The following DPYD variants were observed in gnomAD, a reference collection of about 807,000 sequenced individuals.
DPYD encodes the protein dihydropyrimidine dehydrogenase [NADP(+)].
Under a neutral mutation model 116.2 loss-of-function variants are expected in DPYD, and 109 were observed. The ratio of observed to expected loss-of-function variants is 0.94; its 90% CI spans 0.80 to 1.10. The LOEUF (loss-of-function observed/expected upper bound fraction) is 1.10, where lower values mean the gene tolerates loss of function less well. Among genes scored for constraint, DPYD ranks in the 50% least tolerant of loss-of-function variants. The probability of loss-of-function intolerance (pLI) is 0.00; values close to 1 mark genes in which losing one functional copy is unlikely to be tolerated. For missense variants in DPYD, 1,302 were observed against 1,254.5 expected (o/e 1.04, Z -0.57); for synonymous variants, 440 against 432.0 (o/e 1.02, Z -0.23).
At chr1:97,356,824 A>T (rs541597453) in intron 16 of DPYD, among the ~76,000 whole-genome samples, 68 of 152,298 alleles carry the variant, frequency 4.5e-4, no homozygotes, top group African/African-American at 1.4e-3. Flanking sequence ...ACATCAATTG[A>T]CTATATATGA....
intron 2 of DPYD, chr1:97,856,507 C>A (rs1317900779): frequency 6.6e-6 from 1 of 152,078 alleles, no homozygotes; most frequent in South Asian, 2.1e-4. Context: ...GTGAGTGAAA[C>A]CTTAATCATG....
intron 3 of DPYD, among the ~76,000 whole-genome samples, chr1:97,825,211 T>C (rs1482323330): frequency 6.6e-6 from 1 of 152,012 alleles, no homozygotes; most frequent in Non-Finnish European, 1.5e-5. Flanking sequence ...CTAAAGTGAT[T>C]TGTAAACTCG....
At chr1:97,308,524 A>G (rs1667297234) in intron 16 of DPYD, 2 of 151,868 alleles carry the variant, frequency 1.3e-5, no homozygotes, top group Non-Finnish European at 2.9e-5. Flanking sequence ...GTTTTGTTTG[A>G]CAGGTATAAT....
chr1:97,612,892 A>T (rs1656035454), intron 8 of DPYD, among the ~76,000 whole-genome samples: 1 of 152,042 alleles, frequency 6.6e-6, no homozygotes, highest in Non-Finnish European at 1.5e-5. Context: ...AATCAAGGCC[A>T]GGACAACACT....
intron 1 of DPYD, among the ~76,000 whole-genome samples, chr1:97,884,640 T>C (rs952286687): frequency 3.9e-5 from 6 of 152,070 alleles, no homozygotes; most frequent in African/African-American, 1.2e-4. Context: ...TCCATGAAGT[T>C]ACCCCTAACT....
intron 11 of DPYD, among the ~76,000 whole-genome samples, chr1:97,567,884 T>G (rs967025427): frequency 6.8e-6 from 1 of 146,748 alleles, no homozygotes; most frequent in Non-Finnish European, 1.5e-5. Context: ...CTTTTTTTTT[T>G]ATTATACTTT....
Position 97,468,015 on chromosome 1 carries a change from T to G in DPYD, c.1741-17792A>C, listed in dbSNP as rs144098254. On this transcript the variant is annotated intron_variant, in intron 13 of 22. Transcript: ENST00000370192. ...CAAACTCCTATGGTAAAGAGTCAGA[T>G]GATAAATATTTTAGAGTTTACAGGC... Among the ~76,000 whole-genome samples, 16 of 152,274 alleles carry G rather than the reference T, an allele frequency of 1.1e-4. 4 individuals carry two copies. The highest frequency in any genetic ancestry group is 3.9e-4 in the African/African-American group (16 of 41,552).
rs375682343 is a variant in DPYD, at chr1:97,584,944, TATA to T, written c.1128+8271_1128+8273del. On this transcript the variant is annotated intron_variant, in intron 10 of 22. Transcript: ENST00000370192. ...TGCACATGTACCCTAAAACTTAAAG[TATA>T]ATAATAATAATAATAATAATAAAGA... is the stretch of plus-strand genomic sequence containing the variant. Among the ~76,000 whole-genome samples the T allele has an allele frequency of 5.3e-3, 779 of 146,044 alleles. 4 individuals are homozygous for T. The highest frequency in any genetic ancestry group is 0.017 in the African/African-American group (680 of 40,180).
chr1:97,881,155 A>G (rs1307371300), intron 2 of DPYD, among the ~76,000 whole-genome samples: 2 of 152,020 alleles, frequency 1.3e-5, no homozygotes, highest in South Asian at 2.1e-4. Flanking sequence ...AACCCCCACT[A>G]TCTCAAAATG....
intron 3 of DPYD, among the ~76,000 whole-genome samples, chr1:97,777,247 T>A (rs868603371): frequency 5.3e-5 from 8 of 152,196 alleles, no homozygotes; most frequent in Non-Finnish European, 7.3e-5. Context: ...CTTTTAAATG[T>A]TATGTATGTA....
At chr1:97,427,296 T>A (rs1239860490) in intron 14 of DPYD, among the ~76,000 whole-genome samples, 1 of 152,028 alleles carries the variant, frequency 6.6e-6, no homozygotes, top group Non-Finnish European at 1.5e-5. Context: ...AAAATGACCT[T>A]CACTTTTTTT....
chr1:97,560,035 A>G (rs917612948), intron 11 of DPYD, among the ~76,000 whole-genome samples: 1 of 152,178 alleles, frequency 6.6e-6, no homozygotes, highest in Non-Finnish European at 1.5e-5. Flanking sequence ...GAAATTAACT[A>G]CATATGTAGT....
intron 14 of DPYD, among the ~76,000 whole-genome samples, chr1:97,390,653 T>G (rs1672640568): frequency 6.6e-6 from 1 of 151,980 alleles, no homozygotes; most frequent in South Asian, 2.1e-4. Flanking sequence ...AAATTCATCA[T>G]TTTTTGGTTT....
intron 3 of DPYD, among the ~76,000 whole-genome samples, chr1:97,765,331 T>C (rs17378671): frequency 0.16 from 23,910 of 152,180 alleles, 2,198 homozygotes; most frequent in Non-Finnish European, 0.21. Flanking sequence ...GTGTTTAATA[T>C]ATTTCTTTGG....
intron 19 of DPYD, among the ~76,000 whole-genome samples, chr1:97,195,636 A>ATGTGTATG (rs1376269434): frequency 9.9e-4 from 2 of 2,014 alleles, no homozygotes; most frequent in African/African-American, 2.1e-3. Flanking sequence ...ATGTATGTGT[A>ATGTGTATG]TATATATATA....
At chr1:97,743,552 C>T (rs1557926550) in intron 3 of DPYD, among the ~76,000 whole-genome samples, 1 of 152,024 alleles carries the variant, frequency 6.6e-6, no homozygotes, top group African/African-American at 2.4e-5. Flanking sequence ...ATCCTTTGAC[C>T]ATGCCATAAT....
chr1:97,197,775 A>G (rs1325322313), intron 19 of DPYD, among the ~76,000 whole-genome samples: 1 of 152,130 alleles, frequency 6.6e-6, no homozygotes, highest in Non-Finnish European at 1.5e-5. Context: ...TGTTTCACAT[A>G]ATTGGGAGCT....
Position 97,549,647 on chromosome 1 carries a change from A to G in DPYD, c.1437T>C (p.Gly479=), listed in dbSNP as rs1651165991. The change falls in exon 12 of 23, where the codon GGT becomes GGC. Residue 479 remains glycine, a synonymous_variant. Coordinates refer to ENST00000370192, the MANE Select transcript of DPYD (RefSeq NM_000110.4). Reference sequence around the variant, plus strand: ...TGTTAGCCAAACCAACGACATCACCACCTGCAAATACCCATGCTTCACTAG... The same window carrying G: ...TGTTAGCCAAACCAACGACATCACCGCCTGCAAATACCCATGCTTCACTAG... The part of the protein sequence containing the change: ...MQTSEAWVFA[G]GDVVGLANTT... 1 of 1,613,684 alleles carries G rather than the reference A, an allele frequency of 6.2e-7. No individual in the cohort carries two copies. Among genetic ancestry groups the G allele is most frequent in the Admixed American group, 1.7e-5 (1 of 59,950 alleles).
intron 13 of DPYD, among the ~76,000 whole-genome samples, chr1:97,466,714 A>G (rs1396380277): frequency 6.6e-6 from 1 of 152,190 alleles, no homozygotes; most frequent in Non-Finnish European, 1.5e-5. Context: ...GGGAAACACC[A>G]AAGAGACCTC....
Sources: gnomAD v4.1 joint callset for allele counts (sites outside exome capture counted in the v4.1 genomes callset) on GRCh38, gnomAD v4.1.1 for gene constraint, MANE v1.5 for transcripts, NCBI Gene and HGNC (gene_info 2026-07-23, HGNC 2026-07-21) for gene names.